Variants in ZDHHC14 observed in about 807,000 individuals in gnomAD.
The protein encoded by ZDHHC14 is zDHHC palmitoyltransferase 14.
In ZDHHC14, 16 loss-of-function variants were observed where a neutral mutation model predicts 47.7. The observed-to-expected ratio is 0.34, with a 90% CI of 0.23 to 0.51. The LOEUF is 0.51. Ranked by LOEUF, ZDHHC14 falls within the 20% of genes least tolerant of loss-of-function variation. ZDHHC14 has a pLI of 0.97. For synonymous variants in ZDHHC14, 293 were observed against 278.9 expected, an observed-to-expected ratio of 1.05 and a Z score of -0.50; for missense variants, 515 against 662.5, an observed-to-expected ratio of 0.78 and a Z score of 2.44.
intron 1 of ZDHHC14, among the ~76,000 whole-genome samples, chr6:157,433,394 A>G (rs1408538407): frequency 6.6e-6 from 1 of 152,240 alleles, no homozygotes; most frequent in African/African-American, 2.4e-5. Context: ...CCGTTTGCCT[A>G]AAGGTGGAAA....
intron 1 of ZDHHC14, among the ~76,000 whole-genome samples, chr6:157,505,349 A>G (rs9457629): frequency 0.078 from 11,926 of 152,236 alleles, 1,111 homozygotes; most frequent in African/African-American, 0.2. Flanking sequence ...AAAATATTAC[A>G]TAATAATCTT....
chr6:157,530,827 G>A (rs1163637821), intron 1 of ZDHHC14, among the ~76,000 whole-genome samples: 2 of 152,054 alleles, frequency 1.3e-5, no homozygotes, highest in African/African-American at 2.4e-5. Context: ...CTGTCTGAAC[G>A]ACTGGATATT....
intron 1 of ZDHHC14, among the ~76,000 whole-genome samples, chr6:157,446,079 A>G (rs1431798913): frequency 6.6e-6 from 1 of 152,246 alleles, no homozygotes; most frequent in Non-Finnish European, 1.5e-5. Flanking sequence ...TATTCTAAAA[A>G]TAATTCAAGG....
At chr6:157,641,430 CT>C (rs1777243335) in intron 5 of ZDHHC14, among the ~76,000 whole-genome samples, 1 of 152,190 alleles carries the variant, frequency 6.6e-6, no homozygotes, top group Non-Finnish European at 1.5e-5. Flanking sequence ...AAATATTACA[CT>C]GTTTTAATTT....
chr6:157,404,637 C>G (rs528492709), intron 1 of ZDHHC14, among the ~76,000 whole-genome samples: 13 of 152,260 alleles, frequency 8.5e-5, no homozygotes, highest in African/African-American at 3.1e-4. Context: ...TTGACCGTTT[C>G]CTAGCAATGA....
intron 3 of ZDHHC14, among the ~76,000 whole-genome samples, chr6:157,617,191 T>G (rs1785000292): frequency 6.6e-6 from 1 of 152,200 alleles, no homozygotes; most frequent in Non-Finnish European, 1.5e-5. Flanking sequence ...CCAGATGAGA[T>G]ATTATGTGAA....
chr6:157,517,603 G>C (rs1027207019), intron 1 of ZDHHC14, among the ~76,000 whole-genome samples: 18 of 152,232 alleles, frequency 1.2e-4, no homozygotes, highest in African/African-American at 3.9e-4. Context: ...GAGCCACCGC[G>C]CCTGGCCTTA....
In ZDHHC14 at chr6:157,672,816, C is replaced by T. The variant is rs1260150324; in HGVS notation, c.1161C>T (p.Asp387=). The T allele has an allele frequency of 3.1e-6, 5 of 1,612,490 alleles. No homozygotes were observed. The highest frequency in any genetic ancestry group is 2.2e-5 in the East Asian group (1 of 44,854). Residue 387 remains aspartate (D), a synonymous_variant, in exon 9 of 9, where the codon GAC becomes GAT. Transcript: ENST00000359775. ...AGAGCGAGCCCAGCCTCACCAGCGACGAGCTGCACCTGCCCGGGAAGCCTG... is the reference window on the plus strand; with the variant it reads ...AGAGCGAGCCCAGCCTCACCAGCGATGAGCTGCACCTGCCCGGGAAGCCTG... ...LLQSEPSLTS[D]ELHLPGKPGL...
At chr6:157,412,714 G>A (rs548532589) in intron 1 of ZDHHC14, among the ~76,000 whole-genome samples, 1 of 152,358 alleles carries the variant, frequency 6.6e-6, no homozygotes, top group South Asian at 2.1e-4. Flanking sequence ...GGAGTAATAA[G>A]CACAAGCGCA....
rs1024866750 is a variant in ZDHHC14, at chr6:157,672,879, G to T, written c.1224G>T (p.Pro408=). Residue 408 remains proline, a synonymous_variant, in exon 9 of 9, where the codon CCG becomes CCT. Transcript: ENST00000359775. ...CCTGCGCCAGCCTCACACTGGGCCC[G>T]CCCACACCGCCCGCCTCCATGCCCA... is the stretch of plus-strand genomic sequence containing the variant. ...GTPCASLTLG[P]PTPPASMPNL... is the part of the protein sequence containing the mutation. The T allele has an allele frequency of 1.9e-6, 3 of 1,606,126 alleles. No homozygotes were observed. The African/African-American group carries it at 4.0e-5, about 21-fold the overall frequency.
At chr6:157,506,495 T>C (rs1780328447) in intron 1 of ZDHHC14, among the ~76,000 whole-genome samples, 1 of 152,248 alleles carries the variant, frequency 6.6e-6, no homozygotes, top group South Asian at 2.1e-4. Context: ...TGAGATGATG[T>C]GGACTTCTCT....
At chr6:157,397,668 C>T (rs771016123) in intron 1 of ZDHHC14, among the ~76,000 whole-genome samples, 70 of 152,288 alleles carry the variant, frequency 4.6e-4, no homozygotes, top group Non-Finnish European at 8.5e-4. Context: ...TATAAGGTAA[C>T]GTGTTCACAG....
chr6:157,463,256 T>C lies in ZDHHC14; in HGVS notation c.246-79329T>C, dbSNP rs531984878. Among the ~76,000 whole-genome samples the C allele has an allele frequency of 6.6e-6, 1 of 152,316 alleles. No homozygotes were observed. The highest frequency in any genetic ancestry group is 2.1e-4 in the South Asian group (1 of 4,816). ...TGTTGTCTCTTCGGTGTTTGGAACA[T>C]GGCATAGAACAATTGAAATTGGTTT... On this transcript the variant is annotated intron_variant, in intron 1 of 8. Coordinates refer to ENST00000359775, the MANE Select transcript of ZDHHC14 (RefSeq NM_024630.3). This position sits in a 1 kb window ranked among gnomAD's most constrained non-coding sequence, Gnocchi z 4.4.
intron 3 of ZDHHC14, among the ~76,000 whole-genome samples, chr6:157,623,015 C>T (rs555711993): frequency 2.1e-3 from 320 of 152,258 alleles, no homozygotes; most frequent in African/African-American, 7.1e-3. Context: ...GCAGGCAGCT[C>T]GGTGCCACCA....
At chr6:157,484,387 T>C (rs1183367219) in intron 1 of ZDHHC14, among the ~76,000 whole-genome samples, 3 of 146,562 alleles carry the variant, frequency 2.0e-5, no homozygotes, top group African/African-American at 2.5e-5. Context: ...CACACATATA[T>C]ACGTATATAT....
chr6:157,514,206 G>A (rs1780596108), intron 1 of ZDHHC14, among the ~76,000 whole-genome samples: 1 of 152,214 alleles, frequency 6.6e-6, no homozygotes. Flanking sequence ...ATGGGTTCCA[G>A]GGCTCTCAAT....
chr6:157,661,792 C>T (rs1778353261), intron 8 of ZDHHC14, among the ~76,000 whole-genome samples: 1 of 152,316 alleles, frequency 6.6e-6, no homozygotes, highest in South Asian at 2.1e-4. Flanking sequence ...CTTGCCATTA[C>T]CAGTTTATGA....
chr6:157,608,835 G>C (rs926605188), intron 3 of ZDHHC14, among the ~76,000 whole-genome samples: 5 of 151,990 alleles, frequency 3.3e-5, no homozygotes, highest in African/African-American at 9.7e-5. Flanking sequence ...GGAGACGAGA[G>C]GGGGGGCTGT....
chr6:157,514,166 A>G (rs1201543083), intron 1 of ZDHHC14, among the ~76,000 whole-genome samples: 8 of 152,216 alleles, frequency 5.3e-5, no homozygotes, highest in African/African-American at 1.7e-4. Flanking sequence ...AACAGTTGGG[A>G]TATACCATAT....
Sources: gnomAD v4.1 joint callset for allele counts (sites outside exome capture counted in the v4.1 genomes callset) on GRCh38, gnomAD v4.1.1 for gene constraint, Gnocchi (gnomAD v3.1) non-coding constraint, MANE v1.5 for transcripts, NCBI Gene and HGNC (gene_info 2026-07-23, HGNC 2026-07-21) for gene names.